TAOK3: variants seen among roughly 807,000 people sequenced by gnomAD.
The protein encoded by TAOK3 is serine/threonine-protein kinase TAO3.
Under a neutral mutation model 120.4 loss-of-function variants are expected in TAOK3, and 40 were observed. The ratio of observed to expected loss-of-function variants is 0.33; its 90% CI spans 0.26 to 0.43. The LOEUF is 0.43. Among genes scored for constraint, TAOK3 ranks in the 20% least tolerant of loss-of-function variants. The probability of loss-of-function intolerance (pLI) is 1.00; values close to 1 mark genes in which losing one functional copy is unlikely to be tolerated. For missense variants in TAOK3, 821 were observed against 1,112.1 expected, an observed-to-expected ratio of 0.74 and a Z score of 3.72; for synonymous variants, 355 against 387.5, an observed-to-expected ratio of 0.92 and a Z score of 0.99.
At chr12:118,348,087 A>G (rs2044949806) in intron 1 of TAOK3, among the ~76,000 whole-genome samples, 2 of 152,230 alleles carry the variant, frequency 1.3e-5, no homozygotes, top group African/African-American at 4.8e-5. Flanking sequence ...AGGCCAAAAA[A>G]TACATTGATT....
At chr12:118,260,440 A>G (rs1163891285) in intron 2 of TAOK3, among the ~76,000 whole-genome samples, 1 of 152,230 alleles carries the variant, frequency 6.6e-6, no homozygotes, top group African/African-American at 2.4e-5. Context: ...CTAACACTCC[A>G]TAAAAAATTA....
intron 3 of TAOK3, among the ~76,000 whole-genome samples, chr12:118,250,638 C>T (rs1285223288): frequency 6.6e-6 from 1 of 152,146 alleles, no homozygotes; most frequent in African/African-American, 2.4e-5. Context: ...AGGAATTGGG[C>T]TAAGTGCTAG....
chr12:118,227,487 TACAAAAA>T (rs2039564787), intron 9 of TAOK3, among the ~76,000 whole-genome samples: 1 of 151,844 alleles, frequency 6.6e-6, no homozygotes, highest in South Asian at 2.1e-4. Context: ...AAACATAAAT[TACAAAAA>T]ACAAAAAACA....
chr12:118,258,223 T>A (rs2041072319), intron 2 of TAOK3, among the ~76,000 whole-genome samples: 1 of 152,098 alleles, frequency 6.6e-6, no homozygotes, highest in Non-Finnish European at 1.5e-5. Flanking sequence ...GACTTTATCC[T>A]GAGGGAAAGG....
chr12:118,267,884 CAAAAA>C (rs60331520), intron 1 of TAOK3, among the ~76,000 whole-genome samples: 3 of 78,856 alleles, frequency 3.8e-5, no homozygotes, highest in Non-Finnish European at 7.2e-5. Context: ...GACTCCATCT[CAAAAA>C]AAAAAAAAAA....
intron 3 of TAOK3, among the ~76,000 whole-genome samples, chr12:118,252,797 G>A (rs1240531388): frequency 2.0e-5 from 3 of 149,394 alleles, no homozygotes; most frequent in African/African-American, 7.4e-5. Context: ...TTGGCTCACT[G>A]CAAGCTCTGC....
intron 1 of TAOK3, among the ~76,000 whole-genome samples, chr12:118,281,684 T>C (rs1274390583): frequency 2.0e-5 from 3 of 150,816 alleles, no homozygotes; most frequent in Admixed American, 6.7e-5. Flanking sequence ...CTCAGGAGGC[T>C]GAGGCTGCAG....
At chr12:118,267,609 G>A (rs1286167412) in intron 1 of TAOK3, among the ~76,000 whole-genome samples, 2 of 151,124 alleles carry the variant, frequency 1.3e-5, no homozygotes, top group South Asian at 2.1e-4. Flanking sequence ...AAATCCGGCC[G>A]GACGCAGTGG....
At chr12:118,264,702 T>C (rs773202154) in intron 2 of TAOK3, among the ~76,000 whole-genome samples, 2 of 152,220 alleles carry the variant, frequency 1.3e-5, no homozygotes, top group Admixed American at 6.5e-5. Flanking sequence ...ATTATGCTCT[T>C]TAAATATGTA....
intron 11 of TAOK3, among the ~76,000 whole-genome samples, chr12:118,204,664 T>A (rs892698143): frequency 9.2e-5 from 14 of 152,240 alleles, no homozygotes; most frequent in African/African-American, 2.9e-4. Flanking sequence ...AAAGAGCTAA[T>A]CGGTTTTTAG....
chr12:118,152,181 C>G, intron 20 of TAOK3, 46 bp downstream of exon 20: 1 of 1,578,174 alleles, frequency 6.3e-7, no homozygotes, highest in Non-Finnish European at 8.7e-7. Flanking sequence ...CTCAGCCACG[C>G]CCCCTTCCAC....
At chr12:118,246,034 C>T in intron 3 of TAOK3, 3 of 734,130 alleles carry the variant, frequency 4.1e-6, no homozygotes, top group Non-Finnish European at 6.4e-6. Context: ...TGTGAGTATA[C>T]GTGTAGAAAA....
In TAOK3 at chr12:118,233,706, A is replaced by G; in HGVS notation, c.611T>C (p.Ile204Thr). 1 of 1,610,928 alleles carries G rather than the reference A, an allele frequency of 6.2e-7. No individual in the cohort carries two copies. The highest frequency in any genetic ancestry group is 1.7e-4 in the Middle Eastern group (1 of 6,050). Residue 204 changes from isoleucine (I) to threonine (T), a missense_variant, in exon 9 of 21, where the codon ATT (isoleucine) becomes ACT (threonine). Coordinates refer to ENST00000392533, the MANE Select transcript of TAOK3 (RefSeq NM_016281.4). Reference protein sequence around the residue: ...DEGQYDGKVDIWSLGITCIEL... With the variant: ...DEGQYDGKVDTWSLGITCIEL... ...AATACAAGTGATGCCAAGTGACCAA[A>G]TATCAACTTTCCCATCATACTGTCC...
intron 11 of TAOK3, among the ~76,000 whole-genome samples, chr12:118,210,037 A>G (rs1162136585): frequency 6.6e-6 from 1 of 152,018 alleles, no homozygotes; most frequent in African/African-American, 2.4e-5. Context: ...TTCCTTTTGG[A>G]AATTTGTGAG....
intron 2 of TAOK3, among the ~76,000 whole-genome samples, chr12:118,259,395 G>T (rs1339806542): frequency 5.9e-5 from 9 of 152,074 alleles, no homozygotes; most frequent in Non-Finnish European, 1.3e-4. Flanking sequence ...CAAAAACTTA[G>T]CTGTGTATGG....
intron 13 of TAOK3, among the ~76,000 whole-genome samples, chr12:118,191,263 G>A (rs1257487846): frequency 6.6e-6 from 1 of 152,076 alleles, no homozygotes; most frequent in Non-Finnish European, 1.5e-5. Flanking sequence ...AAAATGCTTT[G>A]ATGTATTGGG....
chr12:118,155,081 C>T (rs1320198814), intron 19 of TAOK3, among the ~76,000 whole-genome samples: 1 of 151,964 alleles, frequency 6.6e-6, no homozygotes, highest in African/African-American at 2.4e-5. Context: ...CTGCAACCTC[C>T]GACTCCCTGG....
intron 11 of TAOK3, among the ~76,000 whole-genome samples, chr12:118,211,716 C>T (rs544689685): frequency 5.4e-4 from 82 of 151,736 alleles, no homozygotes; most frequent in Non-Finnish European, 9.9e-4. Flanking sequence ...CCTGGGCTCA[C>T]GTGATCCTCC....
In TAOK3 at chr12:118,160,606, A is replaced by C. The variant is rs947704587; in HGVS notation, c.2140-248T>G. Among the ~76,000 whole-genome samples, 12 of 152,192 alleles carry C rather than the reference A, an allele frequency of 7.9e-5. No homozygotes were observed. The highest frequency in any genetic ancestry group is 2.4e-4 in the African/African-American group (10 of 41,448). ...ACAAATGGGGTCAAAGAAAATATGGACTGTTACAAGGGGATGACAACTCTA... is the reference window on the plus strand; with the variant it reads ...ACAAATGGGGTCAAAGAAAATATGGCCTGTTACAAGGGGATGACAACTCTA... On this transcript the variant is annotated intron_variant, in intron 18 of 20. Coordinates refer to ENST00000392533, the MANE Select transcript of TAOK3 (RefSeq NM_016281.4). The surrounding 1 kb of genome is among the most constrained non-coding windows in gnomAD (Gnocchi z 4.2).
Sources: allele counts gnomAD v4.1 joint callset (sites outside exome capture counted in the v4.1 genomes callset), GRCh38; gene constraint gnomAD v4.1.1; non-coding constraint Gnocchi (gnomAD v3.1); transcripts MANE v1.5; gene names NCBI Gene and HGNC (gene_info 2026-07-23, HGNC 2026-07-21).